CEPT1: variants seen among roughly 807,000 people sequenced by gnomAD.
The protein encoded by CEPT1 is choline/ethanolamine phosphotransferase 1, also known as choline/ethanolaminephosphotransferase 1.
A neutral mutation model predicts 42.6 loss-of-function variants in CEPT1; 7 were observed. That is an observed-to-expected ratio of 0.16 (90% CI 0.09 to 0.31). CEPT1 has a LOEUF of 0.31. Among genes scored for constraint, CEPT1 ranks in the 10% least tolerant of loss-of-function variants. The pLI is 1.00. For missense variants in CEPT1, 306 were observed against 502.1 expected (o/e 0.61, Z 3.73); for synonymous variants, 171 against 171.9 (o/e 0.99, Z 0.04).
At chr1:111,171,583 G>A (rs1025334356) in intron 4 of CEPT1, among the ~76,000 whole-genome samples, 2 of 152,056 alleles carry the variant, frequency 1.3e-5, no homozygotes, top group Non-Finnish European at 2.9e-5. Context: ...TTTATTTTTT[G>A]TGACAGCCAT....
chr1:111,143,324 T>C (rs1374212578), intron 1 of CEPT1, among the ~76,000 whole-genome samples: 1 of 152,242 alleles, frequency 6.6e-6, no homozygotes, highest in Non-Finnish European at 1.5e-5. Flanking sequence ...TCCTCTGAGC[T>C]TGGTATAGAA....
chr1:111,180,364 G>A (rs933527527), intron 5 of CEPT1: 1 of 152,160 alleles, frequency 6.6e-6, no homozygotes. Context: ...TCAGCCAGGT[G>A]CATCAGATTG....
intron 2 of CEPT1, among the ~76,000 whole-genome samples, chr1:111,152,167 G>T (rs914052755): frequency 2.0e-5 from 3 of 151,832 alleles, no homozygotes; most frequent in African/African-American, 7.3e-5. Flanking sequence ...ACACTCATTT[G>T]TTTTTGTTTT....
intron 2 of CEPT1, among the ~76,000 whole-genome samples, chr1:111,148,762 A>G (rs572195147): frequency 6.6e-6 from 1 of 152,352 alleles, no homozygotes; most frequent in East Asian, 1.9e-4. Flanking sequence ...GAATAGATAC[A>G]TTGATATTTA....
intron 2 of CEPT1, among the ~76,000 whole-genome samples, chr1:111,153,513 T>A (rs887980911): frequency 3.9e-4 from 60 of 152,222 alleles, no homozygotes; most frequent in Non-Finnish European, 4.6e-4. Flanking sequence ...TTGCCTGTGC[T>A]TTTGAGATCT....
At chr1:111,144,357 A>G (rs1654834567) in intron 1 of CEPT1, among the ~76,000 whole-genome samples, 1 of 152,218 alleles carries the variant, frequency 6.6e-6, no homozygotes, top group Admixed American at 6.5e-5. Flanking sequence ...ATCTGAATTT[A>G]TATTTGCAGT....
intron 2 of CEPT1, among the ~76,000 whole-genome samples, chr1:111,151,036 A>G (rs1424789224): frequency 2.6e-5 from 4 of 152,200 alleles, no homozygotes; most frequent in African/African-American, 2.4e-5. Context: ...TCTGAGCCAA[A>G]TATCAGTGAC....
intron 4 of CEPT1, among the ~76,000 whole-genome samples, chr1:111,171,266 C>A (rs1656399854): frequency 6.6e-6 from 1 of 152,088 alleles, no homozygotes; most frequent in Non-Finnish European, 1.5e-5. Flanking sequence ...GTTGTTCTAC[C>A]CCATTTTAAA....
chr1:111,167,263 C>A, intron 4 of CEPT1: 1 of 984,802 alleles, frequency 1.0e-6, no homozygotes, highest in Admixed American at 6.1e-5. Flanking sequence ...CTTTGTCATG[C>A]ACAGAATAAT....
At chr1:111,177,809 G>A (rs1312709183) in intron 5 of CEPT1, among the ~76,000 whole-genome samples, 1 of 151,338 alleles carries the variant, frequency 6.6e-6, no homozygotes, top group South Asian at 2.1e-4. Context: ...TCTAATTTCA[G>A]GATTCATGAG....
intron 4 of CEPT1, among the ~76,000 whole-genome samples, chr1:111,168,373 G>T (rs1305429302): frequency 6.6e-6 from 1 of 151,360 alleles, no homozygotes; most frequent in Admixed American, 6.6e-5. Flanking sequence ...CAATGCAAGG[G>T]TTTATTAAGT....
chr1:111,184,376 TG>T lies in CEPT1; in HGVS notation c.*71del, dbSNP rs1259638571. 10 of 1,268,400 alleles carry T rather than the reference TG, an allele frequency of 7.9e-6. No homozygotes were observed. Among genetic ancestry groups the T allele is most frequent in the South Asian group, 1.3e-5 (1 of 74,492 alleles). The allele number at this position is 1,268,400 out of a possible 1,614,324, so 78.6% of individuals were successfully genotyped here. A position where few individuals can be genotyped will look rare whatever the true frequency, so the allele number is the denominator to read the frequency against. On this transcript the variant is annotated 3_prime_UTR_variant, in exon 9 of 9. Transcript: ENST00000357172. ...AAAGAAAGTAACATATTAAGGAGAATGGGGGTGGATAAGAACAAATATAATT... is the reference window on the plus strand; with the variant it reads ...AAAGAAAGTAACATATTAAGGAGAATGGGGTGGATAAGAACAAATATAATT...
intron 2 of CEPT1, among the ~76,000 whole-genome samples, chr1:111,150,948 T>A (rs185888886): frequency 6.6e-6 from 1 of 152,200 alleles, no homozygotes; most frequent in Admixed American, 6.5e-5. Context: ...CAACTTGGTA[T>A]ATGTTAATAT....
At chr1:111,141,548 G>A (rs1654563438) in intron 1 of CEPT1, among the ~76,000 whole-genome samples, 1 of 151,972 alleles carries the variant, frequency 6.6e-6, no homozygotes, top group Admixed American at 6.6e-5. Flanking sequence ...ATTTTTAAGG[G>A]GCTAGAAAAA....
At chr1:111,167,534 C>T (rs947246516) in intron 4 of CEPT1, 9 of 907,884 alleles carry the variant, frequency 9.9e-6, no homozygotes, top group Admixed American at 6.2e-5. Flanking sequence ...ATTTTGAAAA[C>T]AGAATAAAGC....
intron 4 of CEPT1, chr1:111,167,949 G>A (rs367699799): frequency 5.2e-5 from 17 of 323,898 alleles, no homozygotes; most frequent in African/African-American, 3.4e-4. Context: ...CAGGAATGCA[G>A]TGGCACAGTC....
intron 1 of CEPT1, among the ~76,000 whole-genome samples, chr1:111,144,245 G>A (rs530515162): frequency 6.6e-6 from 1 of 152,280 alleles, no homozygotes; most frequent in Non-Finnish European, 1.5e-5. Context: ...AGATATGATG[G>A]AAGGAAGAGT....
At chr1:111,144,805 C>T (rs751675362) in intron 1 of CEPT1, among the ~76,000 whole-genome samples, 2 of 152,066 alleles carry the variant, frequency 1.3e-5, no homozygotes, top group East Asian at 1.9e-4. Flanking sequence ...TATCATTGCT[C>T]GACTATAGAA....
Position 111,161,197 on chromosome 1 carries a change from C to G in CEPT1, c.530C>G (p.Thr177Arg). The G allele has an allele frequency of 6.2e-7, 1 of 1,614,010 alleles. No individual in the cohort carries two copies. The highest frequency in any genetic ancestry group is 1.1e-5 in the South Asian group (1 of 91,082). ...ACTTGTATTGCAGTGCAGCTGGGGA[C>G]AAACCCTGATTGGATGTTTTTTTGT... Reference protein sequence around the residue: ...LGTCIAVQLGTNPDWMFFCCF... With the variant: ...LGTCIAVQLGRNPDWMFFCCF... The change falls in exon 4 of 9, where the codon ACA (threonine) becomes AGA (arginine). Residue 177 changes from threonine to arginine, a missense_variant. This residue lies in a region of CEPT1 where 253 missense variants were observed against 447.3 expected (regional missense o/e 0.57). Coordinates refer to ENST00000357172, the MANE Select transcript of CEPT1 (RefSeq NM_006090.5).
Sources: gnomAD v4.1 joint callset for allele counts (sites outside exome capture counted in the v4.1 genomes callset) on GRCh38, gnomAD v4.1.1 for gene constraint, gnomAD v4.1.1 regional missense constraint, MANE v1.5 for transcripts, NCBI Gene and HGNC (gene_info 2026-07-23, HGNC 2026-07-21) for gene names.